Variants in ZNF239 observed in about 807,000 individuals in gnomAD.
ZNF239 encodes the protein zinc finger protein (C2H2) homologous to mouse MOK-2.
ZNF239 carries 16 observed loss-of-function variants against 27.5 expected under a neutral mutation model. That is an observed-to-expected ratio of 0.58 (90% CI 0.39 to 0.88). The LOEUF (loss-of-function observed/expected upper bound fraction) is 0.88, where lower values mean the gene tolerates loss of function less well. Among genes scored for constraint, ZNF239 ranks in the 40% least tolerant of loss-of-function variants. ZNF239 has a pLI of 0.00. For synonymous variants in ZNF239, 199 were observed against 192.6 expected (o/e 1.03, Z -0.27); for missense variants, 527 against 551.9 (o/e 0.95, Z 0.45).
In ZNF239 at chr10:43,574,566, G is replaced by A. The variant is rs1327522741; in HGVS notation, c.-283C>T. On this transcript the variant is annotated 5_prime_UTR_variant, in exon 1 of 4. Transcript: ENST00000374446. ...TCCCACGTGGAACCCCACGCCTGCAGGGGCCAGATTCCGGATGCTGACCGC... is the reference window on the plus strand; with the variant it reads ...TCCCACGTGGAACCCCACGCCTGCAAGGGCCAGATTCCGGATGCTGACCGC... The A allele has an allele frequency of 6.6e-6, 1 of 152,310 alleles. No homozygotes were observed. Among genetic ancestry groups the A allele is most frequent in the Non-Finnish European group, 1.5e-5 (1 of 68,088 alleles). 9.4% of individuals were successfully genotyped at this position (152,310 alleles called of 1,614,324 possible).
In ZNF239 at chr10:43,556,727, C is replaced by T; in HGVS notation, c.1353G>A (p.Arg451=). The change falls in exon 4 of 4, where the codon CGG becomes CGA. Residue 451 remains arginine (R), a synonymous_variant. Transcript: ENST00000374446. ...GTTAGCGAGGATCTTTCTTGTGAAC[C>T]CGCTGGTGGATGTGAAGGTTGGAGC... ...SQSSNLHIHQ[R]VHKKDPR The T allele has an allele frequency of 6.2e-7, 1 of 1,613,624 alleles. No homozygotes were observed. The highest frequency in any genetic ancestry group is 2.2e-5 in the East Asian group (1 of 44,866).
In ZNF239 at chr10:43,556,568, A is replaced by G; in HGVS notation, c.*135T>C. On this transcript the variant is annotated 3_prime_UTR_variant, in exon 4 of 4. Coordinates refer to ENST00000374446, the MANE Select transcript of ZNF239 (RefSeq NM_001099282.2). ...GATACTTAAATATTTTGAATGAGTG[A>G]TTTTTCAGTGAGGGAACATATCTAA... The G allele has an allele frequency of 8.5e-7, 1 of 1,177,390 alleles. No homozygotes were observed. Among genetic ancestry groups the G allele is most frequent in the Non-Finnish European group, 1.2e-6 (1 of 861,268 alleles). 72.9% of individuals were successfully genotyped at this position (1,177,390 alleles called of 1,614,324 possible).
In ZNF239 at chr10:43,557,809, C is replaced by T. The variant is rs747208137; in HGVS notation, c.271G>A (p.Glu91Lys). The stretch of plus-strand genomic sequence containing the variant: ...TCCATTACAAAGAGACGTCTGCTTT[C>T]CTGATGATCCTGAGGCTCATTCTTA... ...FCKNEPQDHQ[E>K]SRRLFVMEES... The change falls in exon 4 of 4, where the codon GAA (glutamate) becomes AAA (lysine). Residue 91 changes from glutamate (E) to lysine (K), a missense_variant. By Grantham distance (56) the Glu-to-Lys change is moderately conservative (BLOSUM62 1). Transcript: ENST00000374446. 71 of 1,614,104 alleles carry T rather than the reference C, an allele frequency of 4.4e-5. No homozygotes were observed. In the South Asian group the frequency reaches 7.2e-4, roughly 16 times the overall value.
rs745798262 is a variant in ZNF239, at chr10:43,556,830, T to C, written c.1250A>G (p.Lys417Arg). 3 of 1,613,460 alleles carry C rather than the reference T, an allele frequency of 1.9e-6. No homozygotes were observed. The highest frequency in any genetic ancestry group is 3.3e-5 in the Admixed American group (2 of 59,958). The part of the protein sequence containing the change: ...KCGKGFSQSS[K>R]LLIHQRVHTG... Reference sequence around the variant, plus strand: ...ATGTACTCTCTGGTGGATGAGGAGTTTGGAACTCTGGCTAAATCCCTTCCC... The same window carrying C: ...ATGTACTCTCTGGTGGATGAGGAGTCTGGAACTCTGGCTAAATCCCTTCCC... The change falls in exon 4 of 4, where the codon AAA becomes AGA. Residue 417 changes from lysine to arginine, a missense_variant. Lys to Arg is a conservative substitution (Grantham distance 26). Coordinates refer to ENST00000374446, the MANE Select transcript of ZNF239 (RefSeq NM_001099282.2).
At chr10:43,565,817 G>GAAAA (rs36039838) in intron 3 of ZNF239, among the ~76,000 whole-genome samples, 718 of 67,162 alleles carry the variant, frequency 0.011, 3 homozygotes, top group Middle Eastern at 0.021. Flanking sequence ...TCCATCTCAA[G>GAAAA]AAAAAAAAAA....
intron 3 of ZNF239, chr10:43,564,203 G>C: frequency 4.1e-6 from 3 of 724,578 alleles, no homozygotes; most frequent in Non-Finnish European, 5.1e-6. Flanking sequence ...GAGGCTCTCC[G>C]TAAGACACAT....
rs1436235234 is a variant in ZNF239 at position 43,567,785 on chromosome 10, T to A, written c.-93+114A>T. On this transcript the variant is annotated intron_variant, in intron 3 of 3. Transcript: ENST00000374446. The stretch of plus-strand genomic sequence containing the variant: ...AGTAAAACTACCATTCTCCAATTTT[T>A]ACCAAGTTCTTTAGCTGCTTAGAAT... 4 of 544,594 alleles carry A rather than the reference T, an allele frequency of 7.3e-6. 1 individual carries two copies. The South Asian group carries it at 2.4e-4, about 33-fold the overall frequency. The allele number at this position is 544,594 out of a possible 1,614,324, so 33.7% of individuals were successfully genotyped here.
chr10:43,557,548 G>T lies in ZNF239; in HGVS notation c.532C>A (p.Pro178Thr). ...SQQRAHTEEK[P>T]CDHNNCGKIL... ...TTCCCACAGTTATTATGGTCACAGG[G>T]TTTCTCCTCTGTATGAGCTCTCTGC... Residue 178 changes from proline (P) to threonine (T), a missense_variant, in exon 4 of 4, where the codon CCC (proline) becomes ACC (threonine). Coordinates refer to ENST00000374446, the MANE Select transcript of ZNF239 (RefSeq NM_001099282.2). 1 of 1,614,112 alleles carries T rather than the reference G, an allele frequency of 6.2e-7. No individual in the cohort carries two copies. The highest frequency in any genetic ancestry group is 1.3e-5 in the African/African-American group (1 of 75,024).
chr10:43,571,378 T>C (rs767776461), intron 2 of ZNF239, among the ~76,000 whole-genome samples: 7 of 151,376 alleles, frequency 4.6e-5, no homozygotes, highest in Non-Finnish European at 5.9e-5. Context: ...CCCTAACTTA[T>C]TGAGTTCTCC....
At chr10:43,564,254 G>A (rs1000994681) in intron 3 of ZNF239, 29 of 979,028 alleles carry the variant, frequency 3.0e-5, no homozygotes, top group South Asian at 1.4e-4. Flanking sequence ...CTCTCAGAGC[G>A]GTGTTCCATT....
At chr10:43,564,255 G>C (rs1837480307) in intron 3 of ZNF239, 1 of 980,288 alleles carries the variant, frequency 1.0e-6, no homozygotes, top group Non-Finnish European at 1.2e-6. Flanking sequence ...TCTCAGAGCG[G>C]TGTTCCATTC....
At chr10:43,562,419 C>T (rs1445825127) in intron 3 of ZNF239, among the ~76,000 whole-genome samples, 1 of 152,210 alleles carries the variant, frequency 6.6e-6, no homozygotes, top group African/African-American at 2.4e-5. Context: ...ATGACATTTA[C>T]ATGAGACAGC....
At chr10:43,567,799 G>C in intron 3 of ZNF239, 100 bp downstream of exon 3, 4 of 644,058 alleles carry the variant, frequency 6.2e-6, no homozygotes, top group Non-Finnish European at 7.7e-6. Flanking sequence ...AAGTTCTTTA[G>C]CTGCTTAGAA....
chr10:43,557,206 T>C lies in ZNF239; in HGVS notation c.874A>G (p.Lys292Glu), dbSNP rs749523410. 12 of 1,613,574 alleles carry C rather than the reference T, an allele frequency of 7.4e-6. No individual in the cohort carries two copies. ...HAVHTGEKPYKCDKCGKGFSQ... is the reference protein window; with the variant it reads ...HAVHTGEKPYECDKCGKGFSQ... ...AAGCCCTTCCCACACTTGTCACATT[T>C]ATAAGGTTTTTCGCCTGTATGGACG... is the stretch of plus-strand genomic sequence containing the variant. Residue 292 changes from lysine to glutamate, a missense_variant, in exon 4 of 4, where the codon AAA becomes GAA. Transcript: ENST00000374446.
chr10:43,561,695 A>G (rs573555892), intron 3 of ZNF239, among the ~76,000 whole-genome samples: 1 of 152,312 alleles, frequency 6.6e-6, no homozygotes, highest in South Asian at 2.1e-4. Context: ...AATACAATAC[A>G]TAATTAGGCC....
In ZNF239 at chr10:43,557,321, A is replaced by T; in HGVS notation, c.759T>A (p.His253Gln). 8 of 1,613,578 alleles carry T rather than the reference A, an allele frequency of 5.0e-6. No individual in the cohort carries two copies. The highest frequency in any genetic ancestry group is 6.8e-6 in the Non-Finnish European group (8 of 1,179,858). The change falls in exon 4 of 4, where the codon CAT becomes CAA. Residue 253 changes from histidine to glutamine, a missense_variant. His to Gln is a conservative substitution (Grantham distance 24). Transcript: ENST00000374446. ...GCTTCTCATCTGTGTGGACTGCCTG[A>T]TGGATAAGCAGACTCGAGCTCCTTG... ...GFTRSSSLLI[H>Q]QAVHTDEKPY...
At chr10:43,569,880 A>C (rs1837923674) in intron 2 of ZNF239, among the ~76,000 whole-genome samples, 1 of 152,148 alleles carries the variant, frequency 6.6e-6, no homozygotes, top group Non-Finnish European at 1.5e-5. Context: ...AATGTCAGCA[A>C]ATCTGGTTCC....
At position 43,556,371 on chromosome 10, in the gene ZNF239, C is replaced by A. The variant is rs10793442; in HGVS notation, c.*332G>T. The A allele has an allele frequency of 0.15, 36,392 of 235,038 alleles. 3,599 individuals are homozygous for A. The highest frequency in any genetic ancestry group is 0.45 in the East Asian group (5,048 of 11,266). The allele number at this position is 235,038 out of a possible 1,614,324, so 14.6% of individuals were successfully genotyped here. On this transcript the variant is annotated 3_prime_UTR_variant, in exon 4 of 4. Transcript: ENST00000374446. ...TGAAGAGAAACCAGAGTTTCAATTT[C>A]TCAGAGAATGTGAACAAAGGGAAAC...
intron 3 of ZNF239, among the ~76,000 whole-genome samples, chr10:43,563,259 T>C (rs1455654493): frequency 2.0e-5 from 3 of 152,082 alleles, no homozygotes; most frequent in African/African-American, 7.2e-5. Context: ...GAGCTTACAG[T>C]GAGCCGAGAT....
Sources: allele counts gnomAD v4.1 joint callset (sites outside exome capture counted in the v4.1 genomes callset), GRCh38; gene constraint gnomAD v4.1.1; transcripts MANE v1.5; gene names NCBI Gene and HGNC (gene_info 2026-07-23, HGNC 2026-07-21).